The following GULP1 variants were observed in gnomAD, a reference collection of about 807,000 sequenced individuals.
The protein encoded by GULP1 is GULP PTB domain containing engulfment adaptor 1, also known as PTB domain-containing engulfment adapter protein 1.
A neutral mutation model predicts 40.9 loss-of-function variants in GULP1; 19 were observed. That is an observed-to-expected ratio of 0.46 (90% confidence interval 0.32 to 0.68). GULP1 has a LOEUF of 0.68. GULP1 is among the 30% of genes least tolerant of loss of function. The probability of loss-of-function intolerance (pLI) is 0.03; values close to 1 mark genes in which losing one functional copy is unlikely to be tolerated. For missense variants in GULP1, 312 were observed against 362.2 expected (o/e 0.86, Z 1.12); for synonymous variants, 119 against 117.6 (o/e 1.01, Z -0.08).
Position 188,352,618 on chromosome 2 carries a change from T to TCTCACACA in GULP1, c.-171-31144_-171-31143insTCACACAC, listed in dbSNP as rs578003996. On this transcript the variant is annotated intron_variant, in intron 1 of 11. Transcript: ENST00000409830. The stretch of plus-strand genomic sequence containing the variant: ...TGCTCTCTTTCTCTCTCTCTCTCTC[T>TCTCACACA]CACACACACACACACACACACACAC... 6.1e-3 allele frequency among the ~76,000 whole-genome samples: 826 copies of TCTCACACA among 134,496 alleles called. 21 individuals carry two copies. The highest frequency in any genetic ancestry group is 0.046 in the Admixed American group (602 of 13,064). The allele number at this position is 134,496 out of a possible 152,430, so 88.2% of individuals were successfully genotyped here.
chr2:188,575,530 T>C (rs1343359769), intron 9 of GULP1, among the ~76,000 whole-genome samples: 7 of 152,162 alleles, frequency 4.6e-5, no homozygotes, highest in African/African-American at 7.2e-5. Flanking sequence ...ATTGAGAATT[T>C]TGTTTAGAGA....
intron 1 of GULP1, among the ~76,000 whole-genome samples, chr2:188,326,659 T>C (rs2040807394): frequency 6.6e-6 from 1 of 152,152 alleles, no homozygotes; most frequent in Non-Finnish European, 1.5e-5. Flanking sequence ...ATTGAACACT[T>C]GATATAGTTT....
intron 11 of GULP1, chr2:188,590,013 C>T (rs2153474503): frequency 4.8e-6 from 1 of 208,790 alleles, no homozygotes; most frequent in South Asian, 1.4e-4. Context: ...TATCGCCCTA[C>T]CCAAGCTGGA....
At chr2:188,563,186 T>C (rs1209156860) in intron 7 of GULP1, among the ~76,000 whole-genome samples, 1 of 151,938 alleles carries the variant, frequency 6.6e-6, no homozygotes, top group Non-Finnish European at 1.5e-5. Flanking sequence ...GACATTGAAA[T>C]TGGACAAACA....
chr2:188,535,148 A>G (rs1055720249), intron 6 of GULP1, among the ~76,000 whole-genome samples: 7 of 151,118 alleles, frequency 4.6e-5, no homozygotes, highest in African/African-American at 1.7e-4. Flanking sequence ...ATTAATTTCT[A>G]TTTTTTCTGT....
intron 1 of GULP1, among the ~76,000 whole-genome samples, chr2:188,360,704 A>G (rs2045958287): frequency 6.6e-6 from 1 of 152,134 alleles, no homozygotes; most frequent in Non-Finnish European, 1.5e-5. Context: ...AGGAGATTAA[A>G]TGGAAACCAT....
chr2:188,472,547 G>A (rs2060676156), intron 2 of GULP1, among the ~76,000 whole-genome samples: 1 of 151,692 alleles, frequency 6.6e-6, no homozygotes, highest in African/African-American at 2.4e-5. Flanking sequence ...TCTTCTGTTT[G>A]GTCAATTCTG....
chr2:188,514,040 AGTGTGTGTGTGTGTGTGTGT>A (rs1164481151), intron 4 of GULP1, among the ~76,000 whole-genome samples: 1 of 122,998 alleles, frequency 8.1e-6, no homozygotes, highest in Admixed American at 8.8e-5. Context: ...TCCCCTTCTG[AGTGTGTGTGTGTGTGTGTGT>A]GTGTGTGTGT....
intron 1 of GULP1, among the ~76,000 whole-genome samples, chr2:188,326,478 G>A (rs928604923): frequency 9.2e-5 from 14 of 152,026 alleles, no homozygotes; most frequent in Non-Finnish European, 1.9e-4. Context: ...CATATCTGAA[G>A]CAGCTCACCC....
intron 7 of GULP1, among the ~76,000 whole-genome samples, chr2:188,543,354 T>C (rs2153339440): frequency 6.6e-6 from 1 of 152,202 alleles, no homozygotes; most frequent in Admixed American, 6.6e-5. Flanking sequence ...ACCAAGTGAT[T>C]CTGCTGCAGG....
At chr2:188,589,859 TG>T in intron 11 of GULP1, 1 of 495,926 alleles carries the variant, frequency 2.0e-6, no homozygotes, top group Non-Finnish European at 3.6e-6. Context: ...CAGCTTCATA[TG>T]GGTATATCTG....
In GULP1 at chr2:188,558,575, G is replaced by A. The variant is rs375062226; in HGVS notation, c.400-10664G>A. On this transcript the variant is annotated intron_variant, in intron 7 of 11. Coordinates refer to ENST00000409830, the MANE Select transcript of GULP1 (RefSeq NM_016315.4). ...AAACATACCCAAAAATGTGGAAGTG[G>A]CTTTGGAACTGGGTAACAGGCAGAG... 2.6e-4 allele frequency among the ~76,000 whole-genome samples: 40 copies of A among 152,292 alleles called. 1 individual carries two copies. Among genetic ancestry groups the A allele is most frequent in the African/African-American group, 9.4e-4 (39 of 41,560 alleles).
intron 4 of GULP1, among the ~76,000 whole-genome samples, chr2:188,514,131 C>T (rs1043018495): frequency 6.8e-6 from 1 of 147,818 alleles, no homozygotes; most frequent in Middle Eastern, 3.5e-3. Context: ...TCCAGCTTTG[C>T]CCCGAGCTAT....
intron 2 of GULP1, among the ~76,000 whole-genome samples, chr2:188,395,113 A>C (rs1343706999): frequency 1.3e-5 from 2 of 152,154 alleles, no homozygotes; most frequent in East Asian, 3.9e-4. Flanking sequence ...CCCAGCCTTG[A>C]CAGAGGCAGG....
At chr2:188,333,877 A>G (rs2041938085) in intron 1 of GULP1, among the ~76,000 whole-genome samples, 1 of 152,140 alleles carries the variant, frequency 6.6e-6, no homozygotes, top group South Asian at 2.1e-4. Context: ...TAAGCAGCTT[A>G]GACCCAACTA....
rs1021179324 is a variant in GULP1 at position 188,582,231 on chromosome 2, T to C, written c.610-2034T>C. On this transcript the variant is annotated intron_variant, in intron 9 of 11. Coordinates refer to ENST00000409830, the MANE Select transcript of GULP1 (RefSeq NM_016315.4). ...TTTTAGAAAAGTTACTGTGAAATGA[T>C]CTTATCATCTTAACAAAACACCATT... 23 of 378,936 alleles carry C rather than the reference T, an allele frequency of 6.1e-5. 1 individual carries two copies. The highest frequency in any genetic ancestry group is 1.1e-4 in the Non-Finnish European group (20 of 187,906). 23.5% of individuals were successfully genotyped at this position (378,936 alleles called of 1,614,324 possible).
chr2:188,581,478 A>AT (rs1701316926), intron 9 of GULP1, among the ~76,000 whole-genome samples: 1 of 152,130 alleles, frequency 6.6e-6, no homozygotes, highest in African/African-American at 2.4e-5. Context: ...TATTACTTCC[A>AT]TTTTGGCTGC....
intron 4 of GULP1, among the ~76,000 whole-genome samples, chr2:188,503,016 A>G (rs1160125991): frequency 6.6e-6 from 1 of 151,940 alleles, no homozygotes; most frequent in East Asian, 1.9e-4. Context: ...AAGACTTCGT[A>G]TGGAGTCATA....
At chr2:188,385,656 A>G (rs1213069196) in intron 2 of GULP1, among the ~76,000 whole-genome samples, 1 of 152,174 alleles carries the variant, frequency 6.6e-6, no homozygotes, top group African/African-American at 2.4e-5. Flanking sequence ...GAATGTCTTT[A>G]ACAGCACCCA....
Sources: allele counts gnomAD v4.1 joint callset (sites outside exome capture counted in the v4.1 genomes callset), GRCh38; gene constraint gnomAD v4.1.1; transcripts MANE v1.5; gene names NCBI Gene and HGNC (gene_info 2026-07-23, HGNC 2026-07-21).